The following REEP1 variants were observed in gnomAD, a reference collection of about 807,000 sequenced individuals.
REEP1 encodes receptor accessory protein 1.
A neutral mutation model predicts 40.3 loss-of-function variants in REEP1; 22 were observed. That is an observed-to-expected ratio of 0.55 (90% CI 0.39 to 0.78). The LOEUF (loss-of-function observed/expected upper bound fraction) is 0.78, where lower values mean the gene tolerates loss of function less well. REEP1 is among the 30% of genes least tolerant of loss of function. The probability of loss-of-function intolerance (pLI) is 0.00; values close to 1 mark genes in which losing one functional copy is unlikely to be tolerated. For missense variants in REEP1, 280 were observed against 361.1 expected, an observed-to-expected ratio of 0.78 and a Z score of 1.82; for synonymous variants, 116 against 139.2, an observed-to-expected ratio of 0.83 and a Z score of 1.17.
intron 1 of REEP1, among the ~76,000 whole-genome samples, chr2:86,294,610 G>GTAA (rs1321024279): frequency 2.6e-4 from 40 of 152,196 alleles, no homozygotes; most frequent in Non-Finnish European, 2.9e-5. Flanking sequence ...AAATTAACAA[G>GTAA]TAATGCAAGT....
chr2:86,220,277 TG>T (rs879913418), intron 7 of REEP1, 156 bp from the exon 8 acceptor site: 122 of 425,590 alleles, frequency 2.9e-4, no homozygotes, highest in Non-Finnish European at 3.4e-4. Flanking sequence ...ACTGATGTTT[TG>T]GGGGCCTCCT....
chr2:86,226,276 G>C (rs540169206), intron 7 of REEP1, among the ~76,000 whole-genome samples: 11 of 152,046 alleles, frequency 7.2e-5, no homozygotes, highest in Non-Finnish European at 1.6e-4. Flanking sequence ...AGCTCACAGC[G>C]GTTAGGTGAT....
intron 1 of REEP1, among the ~76,000 whole-genome samples, chr2:86,322,951 C>T (rs1432662132): frequency 6.6e-6 from 1 of 152,054 alleles, no homozygotes; most frequent in African/African-American, 2.4e-5. Context: ...GGAGGCCAGG[C>T]AGAGGTGGGA....
intron 5 of REEP1, among the ~76,000 whole-genome samples, chr2:86,250,379 T>C (rs1426109791): frequency 1.3e-5 from 2 of 152,220 alleles, no homozygotes; most frequent in African/African-American, 4.8e-5. Context: ...TCCGTAGCTT[T>C]ACGTTGCCAG....
intron 5 of REEP1, among the ~76,000 whole-genome samples, chr2:86,233,701 T>C (rs892004052): frequency 7.9e-5 from 12 of 151,884 alleles, no homozygotes; most frequent in Non-Finnish European, 1.2e-4. Flanking sequence ...ACTGGGGAAA[T>C]TGAGAATCGG....
At chr2:86,333,327 C>T (rs1477344674) in intron 1 of REEP1, among the ~76,000 whole-genome samples, 1 of 152,230 alleles carries the variant, frequency 6.6e-6, no homozygotes, top group Admixed American at 6.5e-5. Context: ...CCAGGACAGA[C>T]TTCATGCTCC....
intron 7 of REEP1, chr2:86,223,745 CT>C (rs1674547473): frequency 7.1e-6 from 1 of 140,892 alleles, no homozygotes; most frequent in Non-Finnish European, 1.6e-5. Flanking sequence ...TTCTCTCTCT[CT>C]CTCTCTCTCT....
intron 1 of REEP1, among the ~76,000 whole-genome samples, chr2:86,288,029 A>ATTTTTTTTTTTTTTTTTTTTTTTTTT (rs1558916443): frequency 2.0e-5 from 3 of 148,486 alleles, no homozygotes; most frequent in African/African-American, 7.9e-5. Context: ...TTTTATTTTT[A>ATTTTTTTTTTTTTTTTTTTTTTTTTT]TTATTTTTTT....
intron 1 of REEP1, among the ~76,000 whole-genome samples, chr2:86,334,205 C>G (rs371957723): frequency 1.3e-5 from 2 of 152,234 alleles, no homozygotes; most frequent in Non-Finnish European, 2.9e-5. Context: ...GAGACAACCA[C>G]GAGCACTGGC....
chr2:86,283,667 C>T (rs1678223562), intron 1 of REEP1, among the ~76,000 whole-genome samples: 1 of 152,232 alleles, frequency 6.6e-6, no homozygotes, highest in African/African-American at 2.4e-5. Context: ...GTTTCTGGCA[C>T]TGAAAGGGAG....
chr2:86,243,515 G>C lies in REEP1; in HGVS notation c.417+8442C>G, dbSNP rs746143308. 1.2e-4 allele frequency among the ~76,000 whole-genome samples: 19 copies of C among 152,134 alleles called. 1 individual carries two copies. The highest frequency in any genetic ancestry group is 2.5e-4 in the Non-Finnish European group (17 of 68,044). On this transcript the variant is annotated intron_variant, in intron 5 of 8. Transcript: ENST00000538924. ...TTCCTCTTCAGCTGAGTGTGATGTG[G>C]GTGTTTCATTCATTTGAATCCACTT...
intron 2 of REEP1, among the ~76,000 whole-genome samples, chr2:86,271,571 T>C (rs1677453555): frequency 6.6e-6 from 1 of 152,262 alleles, no homozygotes; most frequent in Non-Finnish European, 1.5e-5. Flanking sequence ...AAAGCTGTTC[T>C]GGTGAATCCA....
At chr2:86,297,661 A>G in intron 1 of REEP1, 1 of 979,674 alleles carries the variant, frequency 1.0e-6, no homozygotes, top group Non-Finnish European at 1.2e-6. Flanking sequence ...GAGGAAGAGA[A>G]CACTTACTTT....
chr2:86,318,400 CT>C (rs775382572), intron 1 of REEP1, among the ~76,000 whole-genome samples: 7,028 of 52,724 alleles, frequency 0.13, 501 homozygotes, highest in African/African-American at 0.33. Flanking sequence ...CTTTTCTTTT[CT>C]TTTTTTTTTT....
chr2:86,216,895 T>G lies in REEP1; in HGVS notation c.*144A>C. The G allele has an allele frequency of 1.5e-6, 1 of 665,410 alleles. No individual in the cohort carries two copies. The allele number at this position is 665,410 out of a possible 1,614,324, so 41.2% of individuals were successfully genotyped here. ...GGGGAAAAAAATAAATCCTTAAAAG[T>G]GGAAGGGGAGAGAGAAAAGGCCATG... On this transcript the variant is annotated 3_prime_UTR_variant, in exon 9 of 9. Transcript: ENST00000538924.
intron 1 of REEP1, among the ~76,000 whole-genome samples, chr2:86,309,857 G>T (rs1034065930): frequency 6.6e-6 from 1 of 152,126 alleles, no homozygotes; most frequent in African/African-American, 2.4e-5. Flanking sequence ...ACGAATTTGG[G>T]GGGGCAATTG....
intron 5 of REEP1, among the ~76,000 whole-genome samples, chr2:86,245,433 C>T (rs1044814068): frequency 6.6e-6 from 1 of 152,210 alleles, no homozygotes; most frequent in African/African-American, 2.4e-5. Context: ...GTTAAGCCCG[C>T]TCCCACTAGC....
intron 1 of REEP1, among the ~76,000 whole-genome samples, chr2:86,319,882 C>T (rs540038797): frequency 5.9e-5 from 9 of 152,244 alleles, no homozygotes; most frequent in South Asian, 2.1e-4. Context: ...ATTAAAGTGA[C>T]GCATTTACAA....
intron 5 of REEP1, among the ~76,000 whole-genome samples, chr2:86,233,445 C>A (rs1021625267): frequency 6.6e-6 from 1 of 151,972 alleles, no homozygotes; most frequent in Non-Finnish European, 1.5e-5. Flanking sequence ...TTTAAAAAAA[C>A]CCTGCTGATT....
Sources: gnomAD v4.1 joint callset for allele counts (sites outside exome capture counted in the v4.1 genomes callset) on GRCh38, gnomAD v4.1.1 for gene constraint, MANE v1.5 for transcripts, NCBI Gene and HGNC (gene_info 2026-07-23, HGNC 2026-07-21) for gene names.